The following TMEM74 variants were observed in gnomAD, a reference collection of about 807,000 sequenced individuals.
The protein encoded by TMEM74 is transmembrane protein 74.
TMEM74 carries 13 observed loss-of-function variants against 18.1 expected under a neutral mutation model. That is an observed-to-expected ratio of 0.72 (90% CI 0.47 to 1.14). TMEM74 has a LOEUF of 1.14. TMEM74 is among the 50% of genes most tolerant of loss of function. The pLI is 0.00. For missense variants in TMEM74, 372 were observed against 375.9 expected, an observed-to-expected ratio of 0.99 and a Z score of 0.09; for synonymous variants, 159 against 146.6, an observed-to-expected ratio of 1.08 and a Z score of -0.61.
At chr8:108,651,499 CAA>C (rs1355847576) in intron 2 of TMEM74, among the ~76,000 whole-genome samples, 2 of 151,884 alleles carry the variant, frequency 1.3e-5, no homozygotes, top group African/African-American at 4.8e-5. Flanking sequence ...TAAAGAAACA[CAA>C]GATGGAATGA....
intron 1 of TMEM74, among the ~76,000 whole-genome samples, chr8:108,719,568 A>G (rs1277489170): frequency 6.6e-6 from 1 of 152,184 alleles, no homozygotes; most frequent in Non-Finnish European, 1.5e-5. Context: ...ACAGGAAGCC[A>G]TAAACTTATT....
At chr8:108,732,244 A>G (rs775757836) in intron 1 of TMEM74, among the ~76,000 whole-genome samples, 8 of 152,244 alleles carry the variant, frequency 5.3e-5, no homozygotes, top group Non-Finnish European at 1.2e-4. Context: ...GTGAAATTTT[A>G]AAAGACCGAA....
At chr8:108,680,708 A>T (rs2130598569) in intron 1 of TMEM74, among the ~76,000 whole-genome samples, 1 of 152,332 alleles carries the variant, frequency 6.6e-6, no homozygotes, top group Non-Finnish European at 1.5e-5. Flanking sequence ...TTCAATTAGG[A>T]AAAGAGGAAG....
chr8:108,699,196 C>CTTCCTTT (rs1563529313), intron 1 of TMEM74, among the ~76,000 whole-genome samples: 2 of 123,190 alleles, frequency 1.6e-5, no homozygotes, highest in African/African-American at 6.1e-5. Context: ...TCCCTCCCTC[C>CTTCCTTT]CTCCCTCCCT....
chr8:108,665,345 T>C (rs757272345), intron 1 of TMEM74, among the ~76,000 whole-genome samples: 6 of 152,114 alleles, frequency 3.9e-5, no homozygotes, highest in Non-Finnish European at 7.4e-5. Context: ...AGCCTTGTTA[T>C]AGGGAGTGTG....
At chr8:108,727,990 A>C (rs1314219625) in intron 1 of TMEM74, among the ~76,000 whole-genome samples, 1 of 152,232 alleles carries the variant, frequency 6.6e-6, no homozygotes, top group African/African-American at 2.4e-5. Flanking sequence ...GACTGAGATT[A>C]AACACTGGAG....
At chr8:108,719,932 G>C (rs1223266440) in intron 1 of TMEM74, among the ~76,000 whole-genome samples, 1 of 152,016 alleles carries the variant, frequency 6.6e-6, no homozygotes, top group African/African-American at 2.4e-5. Flanking sequence ...CACTGAAAAG[G>C]CTATTTAAAG....
intron 2 of TMEM74, among the ~76,000 whole-genome samples, chr8:108,611,518 C>A (rs2130533730): frequency 6.6e-6 from 1 of 152,280 alleles, no homozygotes; most frequent in Non-Finnish European, 1.5e-5. Context: ...CAGTTGTGCT[C>A]ATAGAAAACA....
At chr8:108,770,967 C>A (rs77247311) in intron 1 of TMEM74, among the ~76,000 whole-genome samples, 5,250 of 152,138 alleles carry the variant, frequency 0.035, 139 homozygotes, top group Non-Finnish European at 0.051. Flanking sequence ...TGAGAAGGTC[C>A]CACATCGTCC....
At chr8:108,735,043 C>T (rs968489681) in intron 1 of TMEM74, among the ~76,000 whole-genome samples, 6 of 152,188 alleles carry the variant, frequency 3.9e-5, no homozygotes, top group Admixed American at 3.9e-4. Flanking sequence ...GTAAATCTAT[C>T]TCTAATTCCA....
At chr8:108,664,273 C>A (rs536028741) in intron 1 of TMEM74, among the ~76,000 whole-genome samples, 3 of 152,110 alleles carry the variant, frequency 2.0e-5, no homozygotes, top group African/African-American at 7.2e-5. Context: ...AATATTTTTC[C>A]ATTTGTTTAT....
At chr8:108,698,389 C>T (rs1586265230) in intron 1 of TMEM74, among the ~76,000 whole-genome samples, 1 of 152,086 alleles carries the variant, frequency 6.6e-6, no homozygotes, top group Non-Finnish European at 1.5e-5. Flanking sequence ...TTACTATATG[C>T]TTAATTATAA....
At chr8:108,684,247 G>A (rs543462085) in intron 1 of TMEM74, among the ~76,000 whole-genome samples, 7 of 151,990 alleles carry the variant, frequency 4.6e-5, no homozygotes, top group Non-Finnish European at 7.4e-5. Context: ...TCTTTCCTTT[G>A]CATCCTTGCC....
chr8:108,752,204 G>T (rs1351126689), intron 1 of TMEM74, among the ~76,000 whole-genome samples: 1 of 152,094 alleles, frequency 6.6e-6, no homozygotes, highest in African/African-American at 2.4e-5. Context: ...TTGAATCCTG[G>T]TTCCACTACT....
In TMEM74 at chr8:108,645,137, T is replaced by C. The variant is rs907323500; in HGVS notation, n.264+10156A>G. Among the ~76,000 whole-genome samples the C allele has an allele frequency of 2.0e-5, 3 of 152,150 alleles. No homozygotes were observed. In the East Asian group the frequency reaches 5.8e-4, roughly 29 times the overall value. ...ATCAATGGTAGATTGGATAAAAAAA[T>C]GTGGTGCATATACACCATGGAATAC... On this transcript the variant is annotated intron_variant and non_coding_transcript_variant, in intron 2 of 3. Coordinates refer to the TMEM74 transcript ENST00000518838.
Position 108,611,761 on chromosome 8 carries a change from A to G in TMEM74, n.265-2935T>C, listed in dbSNP as rs1162111709. 6.6e-5 allele frequency among the ~76,000 whole-genome samples: 10 copies of G among 152,266 alleles called. No homozygotes were observed. In the East Asian group the frequency reaches 1.7e-3, roughly 26 times the overall value. ...ATTAACTGATATGTCATCTATCACC[A>G]GAAGGTATATCTTCAAATACTTGTT... On this transcript the variant is annotated intron_variant and non_coding_transcript_variant, in intron 2 of 3. Transcript: ENST00000518838.
At chr8:108,676,663 A>T (rs1563523123) in intron 1 of TMEM74, among the ~76,000 whole-genome samples, 1 of 152,162 alleles carries the variant, frequency 6.6e-6, no homozygotes, top group Non-Finnish European at 1.5e-5. Flanking sequence ...TTTATATTTT[A>T]TTTAACTCTC....
At chr8:108,751,887 G>A (rs1371924950) in intron 1 of TMEM74, among the ~76,000 whole-genome samples, 1 of 152,090 alleles carries the variant, frequency 6.6e-6, no homozygotes, top group East Asian at 1.9e-4. Context: ...CATGTGAAAA[G>A]AGCTAGGACA....
chr8:108,773,076 G>C (rs72675053), intron 1 of TMEM74, among the ~76,000 whole-genome samples: 4,242 of 152,108 alleles, frequency 0.028, 91 homozygotes, highest in Non-Finnish European at 0.044. Context: ...TGAGAATTGG[G>C]CAAATTTGGC....
Sources: allele counts gnomAD v4.1 joint callset (sites outside exome capture counted in the v4.1 genomes callset), GRCh38; gene constraint gnomAD v4.1.1; transcripts MANE v1.5; gene names NCBI Gene and HGNC (gene_info 2026-07-23, HGNC 2026-07-21).